CCDC30: variants seen among roughly 807,000 people sequenced by gnomAD.
CCDC30 encodes the protein coiled-coil domain containing 30, also known as coiled-coil domain-containing protein 30.
In CCDC30, 70 loss-of-function variants were observed where a neutral mutation model predicts 100.2. That is an observed-to-expected ratio of 0.70 (90% CI 0.58 to 0.85). The LOEUF (loss-of-function observed/expected upper bound fraction) is 0.85. Ranked by LOEUF, CCDC30 falls within the 40% of genes least tolerant of loss-of-function variation. The probability of loss-of-function intolerance (pLI) is 0.00; values close to 1 mark genes in which losing one functional copy is unlikely to be tolerated. For missense variants in CCDC30, 652 were observed against 771.2 expected, an observed-to-expected ratio of 0.85 and a Z score of 1.83; for synonymous variants, 233 against 269.5, an observed-to-expected ratio of 0.86 and a Z score of 1.33.
chr1:42,650,497 ATG>A (rs57051349), intron 15 of CCDC30, among the ~76,000 whole-genome samples: 17,863 of 135,774 alleles, frequency 0.13, 1,238 homozygotes, highest in African/African-American at 0.18. Context: ...AAAAATATAT[ATG>A]TGTGTGTGTG....
chr1:42,456,122 G>C, the CCDC30 span: 3 of 736,208 alleles, frequency 4.1e-6, no homozygotes, highest in Non-Finnish European at 7.2e-6. Flanking sequence ...GCGGCGGGAC[G>C]TGACTCGACT....
chr1:42,538,673 T>C (rs1644955916), intron 6 of CCDC30, among the ~76,000 whole-genome samples: 1 of 152,230 alleles, frequency 6.6e-6, no homozygotes, highest in African/African-American at 2.4e-5. Flanking sequence ...GGATTTGGAA[T>C]CTCAGCTTTA....
At chr1:42,655,460 T>A (rs1278141619), downstream of CCDC30, among the ~76,000 whole-genome samples, 1 of 151,886 alleles carries the variant, frequency 6.6e-6, no homozygotes, top group Non-Finnish European at 1.5e-5. Flanking sequence ...GGCAGGAGAA[T>A]CACTTGAACC....
intron 6 of CCDC30, among the ~76,000 whole-genome samples, chr1:42,509,072 G>A (rs753471562): frequency 1.4e-4 from 21 of 152,152 alleles, no homozygotes; most frequent in Admixed American, 9.2e-4. Flanking sequence ...AGCTGCGAGT[G>A]TATGAGGTAT....
chr1:42,563,456 G>C (rs544643605), intron 6 of CCDC30, among the ~76,000 whole-genome samples: 27 of 152,234 alleles, frequency 1.8e-4, no homozygotes, highest in East Asian at 1.4e-3. Flanking sequence ...GGGCCTGTTG[G>C]GGGTAGGGGG....
intron 6 of CCDC30, among the ~76,000 whole-genome samples, chr1:42,546,399 A>AT (rs1404484081): frequency 1.7e-4 from 2 of 11,976 alleles, no homozygotes; most frequent in African/African-American, 4.1e-4. Flanking sequence ...AAAAAAAAAA[A>AT]ATATATATAT....
At chr1:42,539,715 T>C (rs1644975659) in intron 6 of CCDC30, among the ~76,000 whole-genome samples, 1 of 152,212 alleles carries the variant, frequency 6.6e-6, no homozygotes, top group African/African-American at 2.4e-5. Flanking sequence ...AAAGCGTCTT[T>C]CTCAGTTACA....
rs1270645533 is a variant in CCDC30, at chr1:42,539,101, A to G, written c.457-27195A>G. On this transcript the variant is annotated intron_variant, in intron 6 of 16. Coordinates refer to ENST00000668663, the Ensembl canonical transcript of CCDC30. Reference sequence around the variant, plus strand: ...CAGGACCATTTCAAGATTCATTCTTAAAAATATTATATCTTTTATGGGGGA... The same window carrying G: ...CAGGACCATTTCAAGATTCATTCTTGAAAATATTATATCTTTTATGGGGGA... The G allele has an allele frequency of 8.9e-6, 11 of 1,230,966 alleles. No homozygotes were observed. The African/African-American group carries it at 1.6e-4, about 17-fold the overall frequency. 76.3% of individuals were successfully genotyped at this position (1,230,966 alleles called of 1,614,324 possible). A position where few individuals can be genotyped will look rare whatever the true frequency, so the allele number is the denominator to read the frequency against.
intron 6 of CCDC30, among the ~76,000 whole-genome samples, chr1:42,523,848 C>A (rs528362693): frequency 1.3e-5 from 2 of 152,272 alleles, no homozygotes; most frequent in South Asian, 4.1e-4. Flanking sequence ...ATTATTTCTT[C>A]TGCCTGCTCA....
downstream of CCDC30, chr1:42,654,686 C>G (rs889864538): frequency 1.4e-5 from 2 of 147,318 alleles, no homozygotes; most frequent in Non-Finnish European, 3.0e-5. Context: ...AAAACAAAAA[C>G]AAAAACCCTC....
At chr1:42,611,457 G>A (rs1646621690) in intron 11 of CCDC30, among the ~76,000 whole-genome samples, 1 of 151,344 alleles carries the variant, frequency 6.6e-6, no homozygotes, top group African/African-American at 2.4e-5. Flanking sequence ...TTATTTTAGA[G>A]AACTGACACA....
intron 11 of CCDC30, among the ~76,000 whole-genome samples, chr1:42,611,734 T>A (rs1646628843): frequency 6.6e-6 from 1 of 152,076 alleles, no homozygotes; most frequent in African/African-American, 2.4e-5. Context: ...TGGAGTGGAG[T>A]GTCACGATCA....
chr1:42,545,287 AG>A, intron 6 of CCDC30, 122 bp from the exon 9 acceptor site: 1 of 680,506 alleles, frequency 1.5e-6, no homozygotes, highest in Non-Finnish European at 2.2e-6. Context: ...GCCTTCAATT[AG>A]GATGTCATTT....
upstream of CCDC30, chr1:42,459,830 A>C (rs142078638): frequency 2.5e-6 from 4 of 1,614,194 alleles, no homozygotes; most frequent in Non-Finnish European, 3.4e-6. Context: ...AGTTATTGCT[A>C]TCAGAGGAAG....
chr1:42,503,748 GC>G lies in CCDC30; in HGVS notation c.456+4833del, dbSNP rs1245708137. Among the ~76,000 whole-genome samples the G allele has an allele frequency of 2.6e-5, 4 of 152,256 alleles. No homozygotes were observed. The East Asian group carries it at 5.8e-4, about 22-fold the overall frequency. ...TAGAGAAGAAAATGATTTGGGGGCT[GC>G]TTTTCATTAAAATTAAAACCTTAAT... On this transcript the variant is annotated intron_variant, in intron 6 of 16. Coordinates refer to ENST00000668663, the Ensembl canonical transcript of CCDC30.
intron 6 of CCDC30, among the ~76,000 whole-genome samples, chr1:42,508,126 C>A (rs547124343): frequency 2.6e-5 from 4 of 152,188 alleles, no homozygotes; most frequent in Admixed American, 2.6e-4. Context: ...AGGGTGGAGA[C>A]CTTGGAGGAA....
At chr1:42,514,553 T>A (rs2148495263) in intron 6 of CCDC30, among the ~76,000 whole-genome samples, 1 of 152,306 alleles carries the variant, frequency 6.6e-6, no homozygotes, top group South Asian at 2.1e-4. Flanking sequence ...TTGGTGAAAA[T>A]TTTTTCAAAT....
intron 10 of CCDC30, among the ~76,000 whole-genome samples, chr1:42,606,976 T>C (rs572645212): frequency 8.5e-5 from 13 of 152,332 alleles, no homozygotes; most frequent in Admixed American, 7.8e-4. Context: ...TTTTTATCCA[T>C]ATTGAAAATG....
chr1:42,465,117 C>T (rs1557783725), intron 1 of CCDC30, among the ~76,000 whole-genome samples: 1 of 152,016 alleles, frequency 6.6e-6, no homozygotes, highest in Non-Finnish European at 1.5e-5. Context: ...ACAATTTAAC[C>T]TGGGCAAACA....
Sources: allele counts gnomAD v4.1 joint callset (sites outside exome capture counted in the v4.1 genomes callset), GRCh38; gene constraint gnomAD v4.1.1; transcripts MANE v1.5; gene names NCBI Gene and HGNC (gene_info 2026-07-23, HGNC 2026-07-21).